The following GTF2E2 variants were observed in gnomAD, a reference collection of about 807,000 sequenced individuals.
GTF2E2 encodes general transcription factor IIE subunit 2, also known as transcription initiation factor IIE subunit beta.
A neutral mutation model predicts 40.5 loss-of-function variants in GTF2E2; 21 were observed. The ratio of observed to expected loss-of-function variants is 0.52; its 90% CI spans 0.37 to 0.75. GTF2E2 has a LOEUF of 0.75. GTF2E2 is among the 30% of genes least tolerant of loss of function. The probability of loss-of-function intolerance (pLI) is 0.00; values close to 1 mark genes in which losing one functional copy is unlikely to be tolerated. For missense variants in GTF2E2, 298 were observed against 338.4 expected (o/e 0.88, Z 0.94); for synonymous variants, 117 against 121.6 (o/e 0.96, Z 0.25).
intron 2 of GTF2E2, among the ~76,000 whole-genome samples, chr8:30,635,794 C>T (rs1801581006): frequency 6.6e-6 from 1 of 152,122 alleles, no homozygotes; most frequent in African/African-American, 2.4e-5. Context: ...ATCCATAAAG[C>T]TAACACAAGG....
intron 6 of GTF2E2, among the ~76,000 whole-genome samples, chr8:30,591,540 T>C (rs984037166): frequency 2.0e-5 from 3 of 152,032 alleles, no homozygotes; most frequent in African/African-American, 7.2e-5. Context: ...AATCAGCACA[T>C]AAAAAGATGT....
intron 2 of GTF2E2, among the ~76,000 whole-genome samples, chr8:30,635,515 T>C (rs1238846399): frequency 2.0e-5 from 3 of 152,128 alleles, no homozygotes; most frequent in Non-Finnish European, 2.9e-5. Context: ...TCTGAGAGGC[T>C]GGGACTACAG....
At position 30,607,161 on chromosome 8, in the gene GTF2E2, G is replaced by T. The variant is rs1192183908; in HGVS notation, c.550-11C>A. ...CTGGTCCCCCAAAGCCTTAAAGATAGATAAAATAAAGATTTTTCAGTTAAC... is the reference window on the plus strand; with the variant it reads ...CTGGTCCCCCAAAGCCTTAAAGATATATAAAATAAAGATTTTTCAGTTAAC... On this transcript the variant is annotated splice_polypyrimidine_tract_variant and intron_variant, in intron 5 of 7. Transcript: ENST00000355904. The T allele has an allele frequency of 8.7e-6, 9 of 1,037,464 alleles. No individual in the cohort carries two copies. The highest frequency in any genetic ancestry group is 1.7e-5 in the South Asian group (1 of 59,428). The allele number at this position is 1,037,464 out of a possible 1,614,324, so 64.3% of individuals were successfully genotyped here.
At chr8:30,580,436 T>C (rs1828485884) in intron 6 of GTF2E2, 40 bp from the exon 7 acceptor site, 2 of 1,089,834 alleles carry the variant, frequency 1.8e-6, no homozygotes, top group Non-Finnish European at 2.8e-6. Flanking sequence ...AATCCATTTT[T>C]ACAAACTATA....
chr8:30,624,743 G>A (rs577642826), intron 3 of GTF2E2, among the ~76,000 whole-genome samples: 259 of 152,122 alleles, frequency 1.7e-3, no homozygotes, highest in African/African-American at 6.0e-3. Context: ...TTGTAAGTTG[G>A]ATTTCTAGGT....
In GTF2E2 at chr8:30,647,824, AT is replaced by A. The variant is rs965728619; in HGVS notation, c.166+5608del. ...AGTATACAAGTCCTTTAATAATCAG[AT>A]TTTTTAATAGTGTACATTACCAACT... On this transcript the variant is annotated intron_variant, in intron 2 of 7. Coordinates refer to ENST00000355904, the MANE Select transcript of GTF2E2 (RefSeq NM_002095.6). 2.6e-5 allele frequency among the ~76,000 whole-genome samples: 4 copies of A among 152,174 alleles called. No individual in the cohort carries two copies. The South Asian group carries it at 8.3e-4, about 31-fold the overall frequency.
intron 6 of GTF2E2, among the ~76,000 whole-genome samples, chr8:30,580,738 G>C (rs1474660063): frequency 6.6e-6 from 1 of 152,176 alleles, no homozygotes; most frequent in African/African-American, 2.4e-5. Flanking sequence ...GCTCCCCTAA[G>C]CATGATATAC....
chr8:30,630,803 T>C (rs1801417960), intron 3 of GTF2E2, among the ~76,000 whole-genome samples: 1 of 152,202 alleles, frequency 6.6e-6, no homozygotes, highest in East Asian at 1.9e-4. Flanking sequence ...TCCAGTCACA[T>C]ATTTTTCAAA....
intron 6 of GTF2E2, among the ~76,000 whole-genome samples, chr8:30,604,746 T>C (rs1011794717): frequency 2.0e-5 from 3 of 152,218 alleles, no homozygotes; most frequent in African/African-American, 7.2e-5. Flanking sequence ...TTTTACTCTA[T>C]GTATTTCTAG....
chr8:30,594,991 CTA>C (rs750180531), intron 6 of GTF2E2, among the ~76,000 whole-genome samples: 105 of 152,194 alleles, frequency 6.9e-4, no homozygotes, highest in Non-Finnish European at 1.1e-3. Context: ...ACCACTGTTT[CTA>C]TCTGTTCCAT....
chr8:30,638,290 T>C (rs929386087), intron 2 of GTF2E2, among the ~76,000 whole-genome samples: 7 of 152,184 alleles, frequency 4.6e-5, no homozygotes, highest in African/African-American at 1.7e-4. Flanking sequence ...TTCCCGACAT[T>C]ATCTTCCAGC....
At chr8:30,634,906 A>G in intron 3 of GTF2E2, 126 bp downstream of exon 3, 1 of 605,332 alleles carries the variant, frequency 1.7e-6, no homozygotes, top group South Asian at 2.0e-5. Flanking sequence ...AATAAACTGC[A>G]CATACTGAAA....
intron 6 of GTF2E2, among the ~76,000 whole-genome samples, chr8:30,581,797 T>C (rs548996067): frequency 6.6e-6 from 1 of 152,264 alleles, no homozygotes; most frequent in South Asian, 2.1e-4. Context: ...TTCCATCTTG[T>C]TTCCATGATA....
chr8:30,620,886 G>A (rs530326513), intron 3 of GTF2E2, among the ~76,000 whole-genome samples: 20 of 151,424 alleles, frequency 1.3e-4, no homozygotes, highest in African/African-American at 4.4e-4. Context: ...CCAAGACTGC[G>A]CTACTGCACT....
At chr8:30,581,086 T>G (rs1226054858) in intron 6 of GTF2E2, among the ~76,000 whole-genome samples, 1 of 152,218 alleles carries the variant, frequency 6.6e-6, no homozygotes, top group South Asian at 2.1e-4. Flanking sequence ...ATTTACATCT[T>G]ACATTCTGCT....
At chr8:30,614,452 T>C (rs367983000) in intron 4 of GTF2E2, among the ~76,000 whole-genome samples, 156 bp downstream of exon 4, 1 of 152,166 alleles carries the variant, frequency 6.6e-6, no homozygotes, top group East Asian at 1.9e-4. Context: ...TCGTGGCACA[T>C]GCCTGTAGTC....
At chr8:30,652,849 A>C (rs942290113) in intron 2 of GTF2E2, among the ~76,000 whole-genome samples, 8 of 152,252 alleles carry the variant, frequency 5.3e-5, no homozygotes, top group Admixed American at 5.2e-4. Flanking sequence ...ACTGTGGTAC[A>C]TATATCCATA....
intron 4 of GTF2E2, among the ~76,000 whole-genome samples, chr8:30,613,754 A>G (rs185428031): frequency 1.1e-3 from 175 of 152,326 alleles, no homozygotes; most frequent in Non-Finnish European, 2.1e-3. Flanking sequence ...GGAATTTTAC[A>G]TTTGGTTTCT....
chr8:30,640,413 A>AAAATGGGAGTAAACATATC (rs1206110700), intron 2 of GTF2E2, among the ~76,000 whole-genome samples: 4 of 152,094 alleles, frequency 2.6e-5, no homozygotes, highest in Non-Finnish European at 5.9e-5. Flanking sequence ...TAAACATATC[A>AAAATGGGAGTAAACATATC]AAATGGGAGT....
Sources: gnomAD v4.1 joint callset for allele counts (sites outside exome capture counted in the v4.1 genomes callset) on GRCh38, gnomAD v4.1.1 for gene constraint, MANE v1.5 for transcripts, NCBI Gene and HGNC (gene_info 2026-07-23, HGNC 2026-07-21) for gene names.